Variants in MAPKAPK3 observed in about 807,000 individuals in gnomAD.
The protein encoded by MAPKAPK3 is MAPK activated protein kinase 3.
A neutral mutation model predicts 49.2 loss-of-function variants in MAPKAPK3; 35 were observed. The ratio of observed to expected loss-of-function variants is 0.71; its 90% confidence interval spans 0.54 to 0.94. MAPKAPK3 has a LOEUF of 0.94. MAPKAPK3 is among the 40% of genes least tolerant of loss of function. The probability of loss-of-function intolerance (pLI) is 0.00; values close to 1 mark genes in which losing one functional copy is unlikely to be tolerated. For synonymous variants in MAPKAPK3, 178 were observed against 188.7 expected, an observed-to-expected ratio of 0.94 and a Z score of 0.46; for missense variants, 398 against 493.1, an observed-to-expected ratio of 0.81 and a Z score of 1.83.
At chr3:50,629,549 T>A (rs1342730866) in intron 2 of MAPKAPK3, among the ~76,000 whole-genome samples, 2 of 152,188 alleles carry the variant, frequency 1.3e-5, no homozygotes, top group Admixed American at 1.3e-4. Context: ...CTTTCCAGAT[T>A]GGGCCTGTGA....
chr3:50,630,287 C>T (rs1300473121), intron 2 of MAPKAPK3, among the ~76,000 whole-genome samples: 2 of 152,206 alleles, frequency 1.3e-5, no homozygotes, highest in African/African-American at 4.8e-5. Flanking sequence ...GACAGAGTGC[C>T]CATGGCAGCA....
At chr3:50,642,365 G>A (rs1006422101) in intron 5 of MAPKAPK3, 33 bp downstream of exon 5, 5 of 1,540,240 alleles carry the variant, frequency 3.2e-6, no homozygotes, top group Non-Finnish European at 3.6e-6. Flanking sequence ...GGGGGCCCGG[G>A]GAAGAGGATA....
intron 3 of MAPKAPK3, among the ~76,000 whole-genome samples, chr3:50,640,976 A>G (rs537383682): frequency 3.9e-5 from 6 of 152,178 alleles, no homozygotes; most frequent in Admixed American, 1.3e-4. Flanking sequence ...CTGTAACACC[A>G]TGGCTCAGCA....
At chr3:50,624,972 A>G (rs1398977303) in intron 2 of MAPKAPK3, among the ~76,000 whole-genome samples, 6 of 152,180 alleles carry the variant, frequency 3.9e-5, no homozygotes, top group African/African-American at 1.2e-4. Context: ...CCCTCCATCT[A>G]TTGGACATCT....
chr3:50,636,950 C>T (rs561424435), intron 2 of MAPKAPK3, among the ~76,000 whole-genome samples: 23 of 152,256 alleles, frequency 1.5e-4, no homozygotes, highest in Admixed American at 2.6e-4. Context: ...GGCCCTCTCC[C>T]CTGTCCCTAT....
At chr3:50,617,865 C>A in intron 2 of MAPKAPK3, 81 bp downstream of exon 2, 1 of 1,106,350 alleles carries the variant, frequency 9.0e-7, no homozygotes, top group South Asian at 1.3e-5. Context: ...GTCTAGCGCC[C>A]CTGCTAAGCT....
At chr3:50,644,774 T>A (rs2033250583) in intron 6 of MAPKAPK3, among the ~76,000 whole-genome samples, 1 of 152,238 alleles carries the variant, frequency 6.6e-6, no homozygotes, top group Admixed American at 6.5e-5. Flanking sequence ...GTGAGCTGAA[T>A]GACATCACAG....
At chr3:50,629,367 A>G (rs530506115) in intron 2 of MAPKAPK3, among the ~76,000 whole-genome samples, 1 of 152,234 alleles carries the variant, frequency 6.6e-6, no homozygotes, top group Admixed American at 6.5e-5. Context: ...GACCCAGGGG[A>G]ATCCTAAAGC....
upstream of MAPKAPK3, chr3:50,613,983 G>C (rs1380327334): frequency 1.3e-5 from 2 of 152,292 alleles, no homozygotes; most frequent in African/African-American, 4.8e-5. Flanking sequence ...CCATGTCAGA[G>C]CACCATGGGT....
In MAPKAPK3 at chr3:50,644,456, G is replaced by A. The variant is rs1484517298; in HGVS notation, c.552G>A (p.Lys184=). Residue 184 remains lysine (K), a synonymous_variant, in exon 6 of 11, where the codon AAG becomes AAA. Coordinates refer to ENST00000621469, the MANE Select transcript of MAPKAPK3 (RefSeq NM_001243925.2). ...CTAAGGAGAAAGACGCAGTGCTTAA[G>A]CTCACCGATTTTGGCTTTGCTAAGG... ...YTSKEKDAVL[K]LTDFGFAKET... is the part of the protein sequence containing the mutation. 3 of 1,614,198 alleles carry A rather than the reference G, an allele frequency of 1.9e-6. No individual in the cohort carries two copies. Among genetic ancestry groups the A allele is most frequent in the Non-Finnish European group, 2.5e-6 (3 of 1,180,022 alleles).
At position 50,617,237 on chromosome 3, in the gene MAPKAPK3, G is replaced by T. The variant is rs936874226; in HGVS notation, c.-57G>T. On this transcript the variant is annotated 5_prime_UTR_variant, in exon 1 of 11. Transcript: ENST00000621469. Reference sequence around the variant, plus strand: ...CGGTACCTCAGCAAGGTGCGTTGCCGCCAGGTACGCCCTCGCTGGGCCCCC... The same window carrying T: ...CGGTACCTCAGCAAGGTGCGTTGCCTCCAGGTACGCCCTCGCTGGGCCCCC... 2.2e-4 allele frequency: 51 copies of T among 231,004 alleles called. No individual in the cohort carries two copies. Among genetic ancestry groups the T allele is most frequent in the Non-Finnish European group, 2.9e-4 (35 of 118,778 alleles). The allele number at this position is 231,004 out of a possible 1,614,324, so 14.3% of individuals were successfully genotyped here. A position where few individuals can be genotyped will look rare whatever the true frequency, so the allele number is the denominator to read the frequency against.
At chr3:50,638,336 G>A (rs940453589) in intron 2 of MAPKAPK3, among the ~76,000 whole-genome samples, 8 of 152,160 alleles carry the variant, frequency 5.3e-5, no homozygotes, top group East Asian at 1.9e-4. Flanking sequence ...AGCTAGGGCC[G>A]CCACAGGACA....
At chr3:50,629,250 C>T (rs2032842224) in intron 2 of MAPKAPK3, among the ~76,000 whole-genome samples, 2 of 152,142 alleles carry the variant, frequency 1.3e-5, no homozygotes, top group South Asian at 4.1e-4. Context: ...TTCCTGTGAC[C>T]TGCTGAATTG....
chr3:50,646,659 C>T, intron 8 of MAPKAPK3, 81 bp from the exon 9 acceptor site: 1 of 1,267,214 alleles, frequency 7.9e-7, no homozygotes, highest in East Asian at 2.4e-5. Flanking sequence ...CCTGCCCCAG[C>T]AGAGCTTGTG....
exon 1 of MAPKAPK3, chr3:50,612,028 C>T: frequency 4.0e-6 from 1 of 248,192 alleles, no homozygotes; most frequent in Admixed American, 5.7e-5. Flanking sequence ...CGGGGCGGGG[C>T]CCCGCGAGCT....
intron 2 of MAPKAPK3, among the ~76,000 whole-genome samples, chr3:50,623,420 T>C (rs1425024266): frequency 2.0e-5 from 3 of 152,228 alleles, no homozygotes; most frequent in Non-Finnish European, 4.4e-5. Flanking sequence ...CCTTGCTTAC[T>C]GTTTTCGAAG....
At chr3:50,633,024 T>G (rs1383028387) in intron 2 of MAPKAPK3, among the ~76,000 whole-genome samples, 1 of 152,094 alleles carries the variant, frequency 6.6e-6, no homozygotes, top group East Asian at 1.9e-4. Flanking sequence ...TTGTTCGATC[T>G]CTAAGAAGAC....
At chr3:50,622,901 T>C (rs995489647) in intron 2 of MAPKAPK3, among the ~76,000 whole-genome samples, 1 of 152,202 alleles carries the variant, frequency 6.6e-6, no homozygotes, top group Non-Finnish European at 1.5e-5. Flanking sequence ...ACATGATGGA[T>C]GCAGAGACTG....
chr3:50,646,095 G>A (rs2033284189), intron 7 of MAPKAPK3, 45 bp from the exon 8 acceptor site: 2 of 1,599,014 alleles, frequency 1.3e-6, no homozygotes, highest in South Asian at 2.2e-5. Flanking sequence ...GGTCCACCCT[G>A]GCACTGCTCC....
Sources: gnomAD v4.1 joint callset for allele counts (sites outside exome capture counted in the v4.1 genomes callset) on GRCh38, gnomAD v4.1.1 for gene constraint, MANE v1.5 for transcripts, NCBI Gene and HGNC (gene_info 2026-07-23, HGNC 2026-07-21) for gene names.